Variants in WNT2B observed in about 807,000 individuals in gnomAD.
WNT2B encodes Wnt family member 2B.
In WNT2B, 19 loss-of-function variants were observed where a neutral mutation model predicts 40.5. The ratio of observed to expected loss-of-function variants is 0.47; its 90% CI spans 0.33 to 0.69. WNT2B has a LOEUF of 0.69. WNT2B is among the 30% of genes least tolerant of loss of function. The probability of loss-of-function intolerance (pLI) is 0.02; values close to 1 mark genes in which losing one functional copy is unlikely to be tolerated. For missense variants in WNT2B, 467 were observed against 556.4 expected, an observed-to-expected ratio of 0.84 and a Z score of 1.62; for synonymous variants, 220 against 211.9, an observed-to-expected ratio of 1.04 and a Z score of -0.33.
chr1:112,479,871 C>T (rs575885258), intron 1 of WNT2B, among the ~76,000 whole-genome samples: 17 of 151,784 alleles, frequency 1.1e-4, no homozygotes, highest in South Asian at 1.0e-3. Context: ...CTACCATGCC[C>T]GACTAATTTT....
chr1:112,508,763 C>T (rs570006324), upstream of WNT2B: 25 of 986,620 alleles, frequency 2.5e-5, no homozygotes, highest in South Asian at 9.9e-4. This position sits in a 1 kb window ranked among gnomAD's most constrained non-coding sequence, Gnocchi z 4.2. Context: ...CGCGGCGTCC[C>T]GTCGCAGCGT....
chr1:112,527,257 C>T lies in WNT2B; in HGVS notation c.*6748C>T, dbSNP rs1027357261. On this transcript the variant is annotated 3_prime_UTR_variant, in exon 5 of 5. Coordinates refer to ENST00000369684, the MANE Select transcript of WNT2B (RefSeq NM_024494.3). ...ATCATAGCTCTGGGATGCTGCAGCT[C>T]CCTGACCTGGGCCCCTACTTGAGCT... 9 of 152,476 alleles carry T rather than the reference C, an allele frequency of 5.9e-5. 1 individual carries two copies. The highest frequency in any genetic ancestry group is 3.4e-3 in the Middle Eastern group (1 of 294). 9.4% of individuals were successfully genotyped at this position (152,476 alleles called of 1,614,324 possible). A position where few individuals can be genotyped will look rare whatever the true frequency, so the allele number is the denominator to read the frequency against.
chr1:112,516,037 GA>G (rs1652522898), intron 2 of WNT2B, 102 bp from the exon 3 acceptor site: 1 of 1,470,896 alleles, frequency 6.8e-7, no homozygotes, highest in African/African-American at 1.4e-5. Flanking sequence ...CTCTGGGAAA[GA>G]AAATTAGGGA....
At chr1:112,475,709 G>A (rs1260929367) in intron 1 of WNT2B, among the ~76,000 whole-genome samples, 1 of 151,500 alleles carries the variant, frequency 6.6e-6, no homozygotes, top group African/African-American at 2.4e-5. Flanking sequence ...AAACTAATAA[G>A]GCAACAAAGA....
Position 112,484,343 on chromosome 1 carries a change from C to T in WNT2B, c.-95+16752C>T, listed in dbSNP as rs1651346743. On this transcript the variant is annotated intron_variant, in intron 1 of 4. Coordinates refer to the WNT2B transcript ENST00000256640. ...GAGAGAAGAGGGTCTCACTTGTCAC[C>T]CAGGCTGGAGTTGGTGGTGCAGTCT... Among the ~76,000 whole-genome samples the T allele has an allele frequency of 2.1e-5, 3 of 145,906 alleles. No homozygotes were observed. In the Admixed American group the frequency reaches 2.1e-4, roughly 10 times the overall value.
chr1:112,520,477 C>T lies in WNT2B; in HGVS notation c.1144C>T (p.Pro382Ser). 6.2e-7 allele frequency: 1 copy of T among 1,614,146 alleles called. No individual in the cohort carries two copies. Among genetic ancestry groups the T allele is most frequent in the South Asian group, 1.1e-5 (1 of 91,078 alleles). Residue 382 changes from proline to serine, a missense_variant, in exon 5 of 5, where the codon CCC becomes TCC. Physicochemically the swap from Pro to Ser is moderately conservative, Grantham distance 74. This residue lies in a region of WNT2B where 330 missense variants were observed against 438.6 expected (regional missense o/e 0.75). Coordinates refer to ENST00000369684, the MANE Select transcript of WNT2B (RefSeq NM_024494.3). ...NTVDVHTCKA[P>S]KKAEWLDQT ...TGTGGACGTCCATACTTGCAAAGCC[C>T]CCAAGAAGGCAGAGTGGCTGGACCA... is the stretch of plus-strand genomic sequence containing the variant.
intron 1 of WNT2B, chr1:112,491,153 T>G: frequency 3.5e-6 from 5 of 1,428,012 alleles, no homozygotes; most frequent in Non-Finnish European, 4.8e-6. Context: ...CTCGTGCCTG[T>G]AATCCCAGCA....
intron 1 of WNT2B, among the ~76,000 whole-genome samples, chr1:112,498,100 C>T (rs775479909): frequency 3.3e-5 from 5 of 151,802 alleles, no homozygotes; most frequent in East Asian, 1.9e-4. Flanking sequence ...CGATAGGCCC[C>T]GGTGTGTGTT....
chr1:112,481,869 G>A (rs914702552), intron 1 of WNT2B, among the ~76,000 whole-genome samples: 2 of 151,890 alleles, frequency 1.3e-5, no homozygotes, highest in African/African-American at 2.4e-5. Context: ...TAAATTAGTC[G>A]GGCATGGTGG....
At chr1:112,517,701 G>A (rs966326039) in intron 4 of WNT2B, 9 of 285,572 alleles carry the variant, frequency 3.2e-5, no homozygotes, top group East Asian at 1.9e-4. Context: ...TTTAAGCAAT[G>A]TGTGGGCTGC....
At chr1:112,510,581 G>T (rs1652314811) in intron 1 of WNT2B, among the ~76,000 whole-genome samples, 1 of 152,122 alleles carries the variant, frequency 6.6e-6, no homozygotes, top group South Asian at 2.1e-4. Context: ...AAGGGTGAGG[G>T]GTAGCTGGCC....
chr1:112,504,624 C>T (rs866416911), upstream of WNT2B, among the ~76,000 whole-genome samples: 1 of 152,134 alleles, frequency 6.6e-6, no homozygotes. Context: ...CATGGGGTGG[C>T]AGGGCAAGAG....
At chr1:112,499,612 C>T (rs1651885843) in intron 1 of WNT2B, among the ~76,000 whole-genome samples, 2 of 152,196 alleles carry the variant, frequency 1.3e-5, no homozygotes, top group South Asian at 2.1e-4. Context: ...ATTAAACTCT[C>T]ATCAACTAGG....
chr1:112,492,572 T>TG (rs1553231019), intron 1 of WNT2B, among the ~76,000 whole-genome samples: 1 of 152,230 alleles, frequency 6.6e-6, no homozygotes, highest in Non-Finnish European at 1.5e-5. Flanking sequence ...TGCTTCTGGC[T>TG]GGGGGAAGGA....
At chr1:112,476,795 G>A (rs1329632560) in intron 1 of WNT2B, among the ~76,000 whole-genome samples, 1 of 152,164 alleles carries the variant, frequency 6.6e-6, no homozygotes, top group Non-Finnish European at 1.5e-5. Context: ...TCCCCCTGGA[G>A]AAGAAGCTGC....
upstream of WNT2B, among the ~76,000 whole-genome samples, chr1:112,506,618 G>A (rs1019144799): frequency 6.6e-6 from 1 of 152,184 alleles, no homozygotes; most frequent in Non-Finnish European, 1.5e-5. Context: ...GGGTTGGGAG[G>A]AGGTAAAAGA....
chr1:112,482,133 G>A (rs2101056535), intron 1 of WNT2B, among the ~76,000 whole-genome samples: 1 of 145,080 alleles, frequency 6.9e-6, no homozygotes, highest in South Asian at 2.2e-4. Context: ...CAACAAGAGT[G>A]AAAACTCCAT....
intron 1 of WNT2B, among the ~76,000 whole-genome samples, chr1:112,494,844 A>T (rs1220604071): frequency 6.6e-6 from 1 of 151,596 alleles, no homozygotes; most frequent in East Asian, 1.9e-4. Flanking sequence ...GAACAAGTGA[A>T]GGTAAAACAA....
intron 1 of WNT2B, among the ~76,000 whole-genome samples, chr1:112,501,643 T>C (rs1651958637): frequency 7.5e-6 from 1 of 133,368 alleles, no homozygotes; most frequent in Non-Finnish European, 1.8e-5. Flanking sequence ...TTCAGTTGGC[T>C]CCTGAGTTTA....
Sources: allele counts gnomAD v4.1 joint callset (sites outside exome capture counted in the v4.1 genomes callset), GRCh38; gene constraint gnomAD v4.1.1; regional missense constraint gnomAD v4.1.1; non-coding constraint Gnocchi (gnomAD v3.1); transcripts MANE v1.5; gene names NCBI Gene and HGNC (gene_info 2026-07-23, HGNC 2026-07-21).